Variants in GRIK2 observed in about 807,000 individuals in gnomAD.
The protein encoded by GRIK2 is glutamate receptor ionotropic, kainate 2.
Under a neutral mutation model 100.3 loss-of-function variants are expected in GRIK2, and 32 were observed. That is an observed-to-expected ratio of 0.32 (90% CI 0.24 to 0.43). The LOEUF (loss-of-function observed/expected upper bound fraction) is 0.43. Ranked by LOEUF, GRIK2 falls within the 20% of genes least tolerant of loss-of-function variation. The pLI is 1.00. For synonymous variants in GRIK2, 417 were observed against 389.4 expected (o/e 1.07, Z -0.83); for missense variants, 843 against 1,114.9 (o/e 0.76, Z 3.47).
At chr6:101,922,192 A>G (rs1389074651) in intron 12 of GRIK2, among the ~76,000 whole-genome samples, 1 of 147,040 alleles carries the variant, frequency 6.8e-6, no homozygotes, top group Non-Finnish European at 1.5e-5. Flanking sequence ...TCTTCAGATT[A>G]TATAGTCTGA....
chr6:101,648,104 G>A (rs570350525), intron 4 of GRIK2, among the ~76,000 whole-genome samples: 4 of 152,110 alleles, frequency 2.6e-5, no homozygotes, highest in Admixed American at 1.3e-4. Flanking sequence ...GGCTTCATTT[G>A]AGTATATTTC....
intron 15 of GRIK2, among the ~76,000 whole-genome samples, chr6:102,037,300 A>G (rs747667519): frequency 1.3e-5 from 2 of 151,358 alleles, no homozygotes; most frequent in East Asian, 1.9e-4. Flanking sequence ...GGAATTGTCC[A>G]ATTTTATTTC....
At chr6:101,472,762 T>C (rs1772015388) in intron 2 of GRIK2, among the ~76,000 whole-genome samples, 1 of 151,850 alleles carries the variant, frequency 6.6e-6, no homozygotes. Flanking sequence ...TTTGTTACAC[T>C]GTCCGCTTTC....
At chr6:101,471,466 G>A (rs1447260897) in intron 2 of GRIK2, among the ~76,000 whole-genome samples, 1 of 151,832 alleles carries the variant, frequency 6.6e-6, no homozygotes, top group East Asian at 1.9e-4. Flanking sequence ...ACATGTTTTT[G>A]AGTTAATTAT....
At chr6:101,455,116 AG>A (rs1259837766) in intron 2 of GRIK2, among the ~76,000 whole-genome samples, 1 of 152,050 alleles carries the variant, frequency 6.6e-6, no homozygotes, top group Non-Finnish European at 1.5e-5. Flanking sequence ...TGTATGTATA[AG>A]GGTAGTGGGT....
At chr6:101,891,871 T>G (rs1787121233) in intron 12 of GRIK2, among the ~76,000 whole-genome samples, 1 of 152,130 alleles carries the variant, frequency 6.6e-6, no homozygotes, top group Non-Finnish European at 1.5e-5. Context: ...TTTATCATCT[T>G]TAGACCAACT....
chr6:101,890,141 A>C, intron 12 of GRIK2: 1 of 258,344 alleles, frequency 3.9e-6, no homozygotes, highest in Non-Finnish European at 7.2e-6. Flanking sequence ...AATATGATAA[A>C]TGAATCATTG....
At chr6:101,897,599 A>AT (rs955254075) in intron 12 of GRIK2, among the ~76,000 whole-genome samples, 3 of 151,848 alleles carry the variant, frequency 2.0e-5, no homozygotes, top group Admixed American at 6.6e-5. Flanking sequence ...AAAAATTTCA[A>AT]TTTTTTTAAA....
At chr6:102,060,069 A>G (rs1173228611) in intron 16 of GRIK2, among the ~76,000 whole-genome samples, 1 of 150,700 alleles carries the variant, frequency 6.6e-6, no homozygotes, top group African/African-American at 2.4e-5. Context: ...CATCTTGAAC[A>G]CACATTTTTG....
intron 7 of GRIK2, among the ~76,000 whole-genome samples, chr6:101,709,728 C>G (rs575480501): frequency 6.6e-6 from 1 of 151,696 alleles, no homozygotes. Flanking sequence ...CTGGGCTTTG[C>G]GCGGGGTAGG....
chr6:101,951,777 T>A (rs1791619995), intron 14 of GRIK2, among the ~76,000 whole-genome samples: 1 of 152,222 alleles, frequency 6.6e-6, no homozygotes, highest in African/African-American at 2.4e-5. Flanking sequence ...ATGTTAGACA[T>A]GTTTTGCTCT....
intron 14 of GRIK2, among the ~76,000 whole-genome samples, chr6:101,937,096 A>G (rs1790664180): frequency 6.6e-6 from 1 of 152,164 alleles, no homozygotes; most frequent in South Asian, 2.1e-4. Context: ...TACATTTGCA[A>G]TATGTATTAA....
intron 7 of GRIK2, among the ~76,000 whole-genome samples, chr6:101,772,265 C>T (rs1213219018): frequency 1.3e-5 from 2 of 152,324 alleles, no homozygotes; most frequent in South Asian, 4.1e-4. Flanking sequence ...ATGAGCTGAG[C>T]TTGTTTCACT....
intron 4 of GRIK2, among the ~76,000 whole-genome samples, chr6:101,651,008 T>C (rs987828013): frequency 4.1e-5 from 5 of 121,598 alleles, no homozygotes; most frequent in African/African-American, 4.5e-5. Context: ...CTTTTTCTTT[T>C]TTTTTTTTTT....
intron 10 of GRIK2, among the ~76,000 whole-genome samples, chr6:101,833,479 C>A (rs1415937386): frequency 2.0e-5 from 3 of 152,112 alleles, no homozygotes; most frequent in Non-Finnish European, 4.4e-5. Context: ...GTGATCCACC[C>A]ACCTCGGCCT....
chr6:101,851,613 G>A (rs1281107415), intron 10 of GRIK2, among the ~76,000 whole-genome samples: 6 of 151,658 alleles, frequency 4.0e-5, no homozygotes, highest in African/African-American at 1.5e-4. Context: ...TGTTAAAAAG[G>A]TGTGCTTTTA....
intron 3 of GRIK2, among the ~76,000 whole-genome samples, chr6:101,623,202 G>C (rs897660620): frequency 6.6e-6 from 1 of 151,954 alleles, no homozygotes; most frequent in African/African-American, 2.4e-5. Flanking sequence ...AATGGTAGCT[G>C]ACAAGGTACA....
intron 2 of GRIK2, among the ~76,000 whole-genome samples, chr6:101,551,806 A>G (rs545514073): frequency 6.6e-6 from 1 of 152,108 alleles, no homozygotes. Context: ...TTGGAATTCT[A>G]TCTTGTCACA....
chr6:101,734,172 A>G (rs1324749619), intron 7 of GRIK2, among the ~76,000 whole-genome samples: 3 of 152,114 alleles, frequency 2.0e-5, no homozygotes, highest in South Asian at 2.1e-4. Flanking sequence ...CCCCAAAGAA[A>G]CAGTACCAAC....
Sources: gnomAD v4.1 joint callset for allele counts (sites outside exome capture counted in the v4.1 genomes callset) on GRCh38, gnomAD v4.1.1 for gene constraint, MANE v1.5 for transcripts, NCBI Gene and HGNC (gene_info 2026-07-23, HGNC 2026-07-21) for gene names.